Variants in TCF4 observed in about 807,000 individuals in gnomAD.
The protein encoded by TCF4 is SL3-3 enhancer factor 2.
TCF4 carries 3 observed loss-of-function variants against 82.1 expected under a neutral mutation model. The ratio of observed to expected loss-of-function variants is 0.04; its 90% CI spans 0.02 to 0.09. TCF4 has a LOEUF of 0.09. Ranked by LOEUF, TCF4 falls within the 10% of genes least tolerant of loss-of-function variation. The pLI is 1.00. For missense variants in TCF4, 518 were observed against 852.7 expected, an observed-to-expected ratio of 0.61 and a Z score of 4.89; for synonymous variants, 276 against 309.6, an observed-to-expected ratio of 0.89 and a Z score of 1.14.
At chr18:55,540,178 T>C (rs758450135) in intron 3 of TCF4, among the ~76,000 whole-genome samples, 13 of 151,506 alleles carry the variant, frequency 8.6e-5, no homozygotes, top group Non-Finnish European at 1.3e-4. Context: ...ACACAAATAC[T>C]AGTTGAGAAG....
At chr18:55,266,280 C>T (rs1015208959) in intron 11 of TCF4, 1 of 152,202 alleles carries the variant, frequency 6.6e-6, no homozygotes, top group Admixed American at 6.5e-5. Flanking sequence ...TAACTTACTA[C>T]ACTTCCTCCT....
intron 6 of TCF4, among the ~76,000 whole-genome samples, chr18:55,364,113 G>C (rs2086211592): frequency 6.6e-6 from 1 of 152,126 alleles, no homozygotes; most frequent in Admixed American, 6.5e-5. Context: ...ATGTAATCTG[G>C]TATAAACTTT....
chr18:55,314,497 C>T (rs372132987), intron 8 of TCF4, among the ~76,000 whole-genome samples: 1 of 150,748 alleles, frequency 6.6e-6, no homozygotes, highest in Non-Finnish European at 1.5e-5. Flanking sequence ...GGTTTAAATA[C>T]GCATGTAACA....
chr18:55,447,538 G>T (rs1371656321), intron 5 of TCF4, among the ~76,000 whole-genome samples: 2 of 152,100 alleles, frequency 1.3e-5, no homozygotes, highest in Admixed American at 1.3e-4. Flanking sequence ...AAAAGTACTT[G>T]CTGGGTGAAT....
chr18:55,402,063 G>A lies in TCF4; in HGVS notation c.369+1391C>T. 4.3e-5 allele frequency: 42 copies of A among 985,460 alleles called. 1 individual carries two copies. Among genetic ancestry groups the A allele is most frequent in the Non-Finnish European group, 4.8e-5 (40 of 829,944 alleles). The allele number at this position is 985,460 out of a possible 1,614,324, so 61.0% of individuals were successfully genotyped here. A position where few individuals can be genotyped will look rare whatever the true frequency, so the allele number is the denominator to read the frequency against. ...CGAACATTTGCACTCACATTCCAAAGATGTTTCCGTTGCGCTGGAATGGCT... is the reference window on the plus strand; with the variant it reads ...CGAACATTTGCACTCACATTCCAAAAATGTTTCCGTTGCGCTGGAATGGCT... On this transcript the variant is annotated intron_variant, in intron 6 of 19. Coordinates refer to ENST00000354452, the MANE Select transcript of TCF4 (RefSeq NM_001083962.2).
At chr18:55,316,637 C>T (rs747609804) in intron 8 of TCF4, among the ~76,000 whole-genome samples, 12 of 151,980 alleles carry the variant, frequency 7.9e-5, no homozygotes, top group Non-Finnish European at 1.8e-4. Context: ...CAAAAAAAGC[C>T]GAACAGGGGA....
intron 3 of TCF4, among the ~76,000 whole-genome samples, chr18:55,466,253 T>C (rs1202329655): frequency 6.6e-6 from 1 of 152,132 alleles, no homozygotes; most frequent in East Asian, 1.9e-4. Context: ...ACCAGCACGT[T>C]GGGAGGCTGA....
At chr18:55,422,001 GA>G (rs1212315507) in intron 5 of TCF4, among the ~76,000 whole-genome samples, 2 of 149,116 alleles carry the variant, frequency 1.3e-5, no homozygotes, top group African/African-American at 4.9e-5. Flanking sequence ...TACATTTGAA[GA>G]ACAACACTAA....
chr18:55,288,606 T>C (rs1272990595), intron 8 of TCF4, among the ~76,000 whole-genome samples: 1 of 152,190 alleles, frequency 6.6e-6, no homozygotes, highest in African/African-American at 2.4e-5. Context: ...AAGTCCCCTA[T>C]ACTGCCTGGC....
At chr18:55,537,246 T>C (rs1375401731) in intron 3 of TCF4, among the ~76,000 whole-genome samples, 1 of 152,112 alleles carries the variant, frequency 6.6e-6, no homozygotes, top group Middle Eastern at 3.2e-3. Context: ...CATTCTGATG[T>C]TCTGGCCATA....
Position 55,283,416 on chromosome 18 carries a change from T to C in TCF4, c.550-3760A>G, listed in dbSNP as rs182681834. On this transcript the variant is annotated intron_variant, in intron 8 of 19. Coordinates refer to ENST00000354452, the MANE Select transcript of TCF4 (RefSeq NM_001083962.2). ...CTTTTCCTTAAGAAGCTCTCATTTT[T>C]ACTGGTCTTGGCATATCGGTTTCAC... Among the ~76,000 whole-genome samples the C allele has an allele frequency of 5.9e-5, 9 of 152,362 alleles. No homozygotes were observed. The East Asian group carries it at 1.5e-3, about 26-fold the overall frequency.
At chr18:55,304,798 G>A (rs1055443205) in intron 8 of TCF4, among the ~76,000 whole-genome samples, 5 of 152,200 alleles carry the variant, frequency 3.3e-5, no homozygotes, top group Admixed American at 2.0e-4. Flanking sequence ...GGAAGGATCA[G>A]TTGAGAAAAT....
chr18:55,387,055 T>G (rs2092668025), intron 6 of TCF4, among the ~76,000 whole-genome samples: 1 of 152,230 alleles, frequency 6.6e-6, no homozygotes, highest in African/African-American at 2.4e-5. Flanking sequence ...AGAAAAAGCC[T>G]GGGCTATAGA....
intron 3 of TCF4, among the ~76,000 whole-genome samples, chr18:55,487,710 A>T (rs2096532416): frequency 6.6e-6 from 1 of 152,216 alleles, no homozygotes; most frequent in Non-Finnish European, 1.5e-5. Flanking sequence ...TCGATAAAAA[A>T]AAAATAGACA....
intron 10 of TCF4, among the ~76,000 whole-genome samples, chr18:55,274,345 G>A (rs1451784912): frequency 2.0e-5 from 3 of 152,130 alleles, no homozygotes; most frequent in Non-Finnish European, 4.4e-5. Flanking sequence ...ATCTTGGGAG[G>A]TGATACAAAA....
intron 3 of TCF4, among the ~76,000 whole-genome samples, chr18:55,497,874 G>A (rs1219485954): frequency 6.6e-6 from 1 of 152,108 alleles, no homozygotes; most frequent in Non-Finnish European, 1.5e-5. Context: ...AAAAACCTCT[G>A]ACATCCACAT....
At chr18:55,356,800 T>C (rs1011261883) in intron 6 of TCF4, among the ~76,000 whole-genome samples, 1 of 152,124 alleles carries the variant, frequency 6.6e-6, no homozygotes, top group Non-Finnish European at 1.5e-5. Context: ...CACAAAAAAA[T>C]AAAAATAAAT....
intron 5 of TCF4, 83 bp downstream of exon 5, chr18:55,460,936 A>G (rs1329870976): frequency 3.3e-6 from 4 of 1,208,312 alleles, no homozygotes; most frequent in Non-Finnish European, 4.8e-6. Flanking sequence ...TAAAAGCAGA[A>G]CCTCTGTCTA....
chr18:55,363,317 T>C (rs1254793251), intron 6 of TCF4, among the ~76,000 whole-genome samples: 1 of 152,186 alleles, frequency 6.6e-6, no homozygotes, highest in African/African-American at 2.4e-5. Context: ...CTAAAGTTTG[T>C]TTAGCATTTA....
Sources: allele counts gnomAD v4.1 joint callset (sites outside exome capture counted in the v4.1 genomes callset), GRCh38; gene constraint gnomAD v4.1.1; transcripts MANE v1.5; gene names NCBI Gene and HGNC (gene_info 2026-07-23, HGNC 2026-07-21).